Variants in ZNF592 observed in about 807,000 individuals in gnomAD.
ZNF592 encodes zinc finger protein 592.
A neutral mutation model predicts 80.3 loss-of-function variants in ZNF592; 11 were observed. The observed-to-expected ratio is 0.14, with a 90% confidence interval of 0.09 to 0.23. The LOEUF is 0.23. Ranked by LOEUF, ZNF592 falls within the 10% of genes least tolerant of loss-of-function variation. The pLI is 1.00. For synonymous variants in ZNF592, 646 were observed against 640.3 expected (o/e 1.01, Z -0.13); for missense variants, 1,420 against 1,633.9 (o/e 0.87, Z 2.26).
In ZNF592 at chr15:84,759,966, C is replaced by T. The variant is rs112085100; in HGVS notation, c.-258-4741C>T. Among the ~76,000 whole-genome samples the T allele has an allele frequency of 5.6e-5, 4 of 71,842 alleles. No individual in the cohort carries two copies. The South Asian group carries it at 1.2e-3, about 21-fold the overall frequency. The allele number at this position is 71,842 out of a possible 152,430, so 47.1% of individuals were successfully genotyped here. A position where few individuals can be genotyped will look rare whatever the true frequency, so the allele number is the denominator to read the frequency against. ...GGATTGGGGAGATTCCCCCCCCCCC[C>T]ACCCTGCCATTTAAAAAGTAATATG... On this transcript the variant is annotated intron_variant, in intron 1 of 10. Transcript: ENST00000560079.
intron 2 of ZNF592, among the ~76,000 whole-genome samples, chr15:84,765,924 T>G (rs1001540504): frequency 6.6e-6 from 1 of 151,960 alleles, no homozygotes; most frequent in African/African-American, 2.4e-5. Flanking sequence ...CCTATTGTGT[T>G]GAAATGTACA....
intron 1 of ZNF592, among the ~76,000 whole-genome samples, chr15:84,750,072 C>T (rs980369675): frequency 1.3e-5 from 2 of 152,158 alleles, no homozygotes; most frequent in South Asian, 2.1e-4. Context: ...GAGGCCGAGG[C>T]GGGTGGATCG....
chr15:84,790,969 C>A, intron 5 of ZNF592, 86 bp downstream of exon 5: 1 of 1,548,392 alleles, frequency 6.5e-7, no homozygotes, highest in South Asian at 1.1e-5. Context: ...TAGTTTTGGT[C>A]TTAAGAGGCT....
At chr15:84,755,695 A>G (rs933229791) in intron 1 of ZNF592, among the ~76,000 whole-genome samples, 8 of 152,224 alleles carry the variant, frequency 5.3e-5, no homozygotes, top group African/African-American at 1.7e-4. Flanking sequence ...ACAAACAAGC[A>G]TCCTATAAGC....
intron 1 of ZNF592, chr15:84,753,552 A>C (rs1192086412): frequency 6.6e-6 from 1 of 152,196 alleles, no homozygotes; most frequent in Non-Finnish European, 1.5e-5. Context: ...GGCTCCCTGC[A>C]ACCTCCACCT....
intron 2 of ZNF592, among the ~76,000 whole-genome samples, chr15:84,776,652 A>T (rs1483858856): frequency 5.3e-5 from 8 of 152,242 alleles, no homozygotes; most frequent in Admixed American, 5.2e-4. Context: ...GCTGCTCAGG[A>T]GGCTGAGGCA....
Position 84,764,728 on chromosome 15 carries a change from A to C in ZNF592, c.-237A>C. On this transcript the variant is annotated 5_prime_UTR_variant, in exon 2 of 11. It removes an upstream start codon present in the reference 5' UTR. Transcript: ENST00000560079. ...TTAGGTGGTGTTTGGACTCTAGACC[A>C]TGTGCCTAGGTAGAAGTTTTTCCTT... is the stretch of plus-strand genomic sequence containing the variant. 1 of 398,948 alleles carries C rather than the reference A, an allele frequency of 2.5e-6. No homozygotes were observed. Among genetic ancestry groups the C allele is most frequent in the Non-Finnish European group, 4.4e-6 (1 of 226,058 alleles). 24.7% of individuals were successfully genotyped at this position (398,948 alleles called of 1,614,324 possible). A position where few individuals can be genotyped will look rare whatever the true frequency, so the allele number is the denominator to read the frequency against.
chr15:84,796,239 AATATATATATATATATATATATATATTT>A (rs1962901619), intron 5 of ZNF592, among the ~76,000 whole-genome samples: 2 of 33,324 alleles, frequency 6.0e-5, no homozygotes, highest in East Asian at 1.8e-3. Context: ...AAAAAAAAAA[AATATATATATATATATATATATATATTT>A]TATATATATA....
chr15:84,767,565 A>G (rs1432745931), intron 2 of ZNF592, among the ~76,000 whole-genome samples: 1 of 152,092 alleles, frequency 6.6e-6, no homozygotes, highest in African/African-American at 2.4e-5. Context: ...GTTATTGCTG[A>G]GATCTGTTTG....
At chr15:84,763,438 A>G (rs1899409605) in intron 1 of ZNF592, among the ~76,000 whole-genome samples, 1 of 152,186 alleles carries the variant, frequency 6.6e-6, no homozygotes, top group Non-Finnish European at 1.5e-5. Context: ...ATAACCTAGT[A>G]TACTCATTGG....
At chr15:84,751,661 G>T (rs7163355) in intron 1 of ZNF592, among the ~76,000 whole-genome samples, 126,264 of 151,426 alleles carry the variant, frequency 0.83, 52,926 homozygotes, top group East Asian at 0.94. Context: ...TCCCAGCACT[G>T]TGGGACACTG....
intron 2 of ZNF592, among the ~76,000 whole-genome samples, chr15:84,775,385 C>G: frequency 6.6e-6 from 1 of 151,314 alleles, no homozygotes; most frequent in East Asian, 1.9e-4. Context: ...CATGAGCCAC[C>G]GCATCCAGCT....
In ZNF592 at chr15:84,798,891, C is replaced by CA; in HGVS notation, c.3024+17dup. ...CCACGGTCGGGTAAGTGCAGCCACA[C>CA]AGTCATAATGCAGAGCCCAGTCCTC... On this transcript the variant is annotated intron_variant, in intron 8 of 10. Coordinates refer to ENST00000560079, the MANE Select transcript of ZNF592 (RefSeq NM_014630.3). This position sits in a 1 kb window ranked among gnomAD's most constrained non-coding sequence, Gnocchi z 4.5. 1 of 1,598,120 alleles carries CA rather than the reference C, an allele frequency of 6.3e-7. No individual in the cohort carries two copies. The highest frequency in any genetic ancestry group is 8.5e-7 in the Non-Finnish European group (1 of 1,179,530).
chr15:84,785,463 C>T (rs1184710357), intron 4 of ZNF592, among the ~76,000 whole-genome samples: 1 of 152,184 alleles, frequency 6.6e-6, no homozygotes, highest in Non-Finnish European at 1.5e-5. Context: ...AGGCATGTGC[C>T]ACCACGCCTA....
chr15:84,771,713 C>T (rs1384507102), intron 2 of ZNF592, among the ~76,000 whole-genome samples: 1 of 152,130 alleles, frequency 6.6e-6, no homozygotes, highest in East Asian at 1.9e-4. Flanking sequence ...TTCTTACGTA[C>T]TGCTGAGAAT....
intron 2 of ZNF592, among the ~76,000 whole-genome samples, chr15:84,773,747 A>G (rs190055427): frequency 6.6e-6 from 1 of 152,082 alleles, no homozygotes; most frequent in Non-Finnish European, 1.5e-5. Context: ...CTCCAGAAAA[A>G]AAAAAATAGA....
In ZNF592 at chr15:84,801,739, G is replaced by A. The variant is rs965867368; in HGVS notation, c.3274-124G>A. 1.4e-5 allele frequency: 20 copies of A among 1,383,476 alleles called. No individual in the cohort carries two copies. In the East Asian group the frequency reaches 2.8e-4, roughly 19 times the overall value. 85.7% of individuals were successfully genotyped at this position (1,383,476 alleles called of 1,614,324 possible). A position where few individuals can be genotyped will look rare whatever the true frequency, so the allele number is the denominator to read the frequency against. On this transcript the variant is annotated intron_variant, in intron 10 of 10. Transcript: ENST00000560079. Reference sequence around the variant, plus strand: ...TGAAACAAACCAAACGTAAACCAGCGTTCAGGGCTGGGGTGACCCTGGCCT... The same window carrying A: ...TGAAACAAACCAAACGTAAACCAGCATTCAGGGCTGGGGTGACCCTGGCCT...
intron 4 of ZNF592, among the ~76,000 whole-genome samples, chr15:84,785,614 A>G (rs757706587): frequency 1.6e-4 from 24 of 152,182 alleles, no homozygotes; most frequent in Non-Finnish European, 3.1e-4. Flanking sequence ...CCCCAGCCAA[A>G]GAACTGTGTC....
chr15:84,790,338 C>G (rs997115269), intron 4 of ZNF592, among the ~76,000 whole-genome samples: 15 of 152,058 alleles, frequency 9.9e-5, no homozygotes, highest in Admixed American at 5.2e-4. Flanking sequence ...GACAGAGACC[C>G]TGGTGGGTCT....
Sources: gnomAD v4.1 joint callset for allele counts (sites outside exome capture counted in the v4.1 genomes callset) on GRCh38, gnomAD v4.1.1 for gene constraint, Gnocchi (gnomAD v3.1) non-coding constraint, MANE v1.5 for transcripts, NCBI Gene and HGNC (gene_info 2026-07-23, HGNC 2026-07-21) for gene names.